The following ADGRV1 variants were observed in gnomAD, a reference collection of about 807,000 sequenced individuals.
The protein encoded by ADGRV1 is G-protein coupled receptor 98.
ADGRV1 carries 359 observed loss-of-function variants against 596.2 expected under a neutral mutation model. The observed-to-expected ratio is 0.60, with a 90% CI of 0.55 to 0.66. The LOEUF (loss-of-function observed/expected upper bound fraction) is 0.66, where lower values mean the gene tolerates loss of function less well. Ranked by LOEUF, ADGRV1 falls within the 30% of genes least tolerant of loss-of-function variation. The pLI, the probability that ADGRV1 is intolerant of heterozygous loss-of-function variation, is 0.00. For missense variants in ADGRV1, 7,274 were observed against 7,575.6 expected (o/e 0.96, Z 1.48); for synonymous variants, 2,681 against 2,679.2 (o/e 1.00, Z -0.02).
intron 67 of ADGRV1, among the ~76,000 whole-genome samples, chr5:90,786,991 A>G (rs1759520750): frequency 6.6e-6 from 1 of 152,164 alleles, no homozygotes; most frequent in Admixed American, 6.6e-5. Context: ...ATCTGGAAAC[A>G]GGAAGGATAT....
chr5:90,693,726 A>T (rs1387947621), intron 32 of ADGRV1, among the ~76,000 whole-genome samples, 164 bp from the exon 33 acceptor site: 1 of 152,244 alleles, frequency 6.6e-6, no homozygotes, highest in Non-Finnish European at 1.5e-5. Context: ...ACAGGAGAAA[A>T]CAAAATGTTG....
Position 90,683,784 on chromosome 5 carries a change from T to C in ADGRV1, c.5863T>C (p.Ser1955Pro), listed in dbSNP as rs775530669. The change falls in exon 28 of 90, where the codon TCC (serine) becomes CCC (proline). Residue 1955 changes from serine (S) to proline (P), a missense_variant. By Grantham distance (74) the Ser-to-Pro change is moderately conservative (BLOSUM62 -1). This residue lies in a region of ADGRV1 where 3,643 missense variants were observed against 3,809.2 expected (regional missense o/e 0.96). Coordinates refer to ENST00000405460, the MANE Select transcript of ADGRV1 (RefSeq NM_032119.4). ...ATTCTCTGTGTCAGTCCTCAGTGTT[T>C]CCAGTGGTTCTTTGGGAGCTCATAT... ...KAFSVSVLSVSSGSLGAHINA... is the reference protein window; with the variant it reads ...KAFSVSVLSVPSGSLGAHINA... 1 of 1,613,778 alleles carries C rather than the reference T, an allele frequency of 6.2e-7. No individual in the cohort carries two copies. The highest frequency in any genetic ancestry group is 2.2e-5 in the East Asian group (1 of 44,862).
chr5:90,771,986 G>A (rs1011944205), intron 59 of ADGRV1, among the ~76,000 whole-genome samples: 2 of 152,086 alleles, frequency 1.3e-5, no homozygotes, highest in Admixed American at 6.5e-5. Flanking sequence ...CATTGGCTGG[G>A]ATTTTCCACC....
intron 82 of ADGRV1, among the ~76,000 whole-genome samples, chr5:90,861,788 A>G (rs2150445176): frequency 6.6e-6 from 1 of 152,324 alleles, no homozygotes; most frequent in South Asian, 2.1e-4. Flanking sequence ...AAAGATAAGT[A>G]TTTAGTATAT....
chr5:91,120,515 A>G (rs1261961737), intron 87 of ADGRV1, among the ~76,000 whole-genome samples: 4 of 152,126 alleles, frequency 2.6e-5, no homozygotes, highest in Admixed American at 6.5e-5. Flanking sequence ...ATCTTTTACA[A>G]ATTTTCTACA....
chr5:90,656,714 C>A (rs10062714), intron 20 of ADGRV1, among the ~76,000 whole-genome samples: 2 of 151,910 alleles, frequency 1.3e-5, no homozygotes, highest in African/African-American at 4.8e-5. Flanking sequence ...ACAGCCTCCA[C>A]TGAGGTTATT....
chr5:91,055,100 C>G (rs960034247), intron 85 of ADGRV1, among the ~76,000 whole-genome samples: 1 of 152,174 alleles, frequency 6.6e-6, no homozygotes, highest in Admixed American at 6.5e-5. Context: ...TTTCAAATGA[C>G]TGAGCACCAA....
chr5:90,975,878 G>A (rs1779528664), intron 84 of ADGRV1, among the ~76,000 whole-genome samples: 1 of 151,378 alleles, frequency 6.6e-6, no homozygotes, highest in African/African-American at 2.4e-5. Context: ...AATAAGGCAG[G>A]GTTATATCTA....
rs76501672 is a variant in ADGRV1 at position 90,674,414 on chromosome 5, T to C, written c.5110+180T>C. 9.2e-3 allele frequency: 3,791 copies of C among 413,122 alleles called. 126 individuals carry two copies. Among genetic ancestry groups the C allele is most frequent in the African/African-American group, 0.068 (3,321 of 49,048 alleles). The allele number at this position is 413,122 out of a possible 1,614,324, so 25.6% of individuals were successfully genotyped here. On this transcript the variant is annotated intron_variant, in intron 23 of 89. Transcript: ENST00000405460. The stretch of plus-strand genomic sequence containing the variant: ...GAGACATTGTTTATGAGAGAAAATA[T>C]AAAGATCAGTTTCCAAACTTCAATA...
At chr5:90,927,582 A>G (rs1473517549) in intron 83 of ADGRV1, among the ~76,000 whole-genome samples, 1 of 151,954 alleles carries the variant, frequency 6.6e-6, no homozygotes, top group Non-Finnish European at 1.5e-5. Context: ...TCCTGACTCT[A>G]TCCAATTTGC....
At chr5:90,820,090 C>A (rs1037400169) in intron 75 of ADGRV1, among the ~76,000 whole-genome samples, 1 of 151,946 alleles carries the variant, frequency 6.6e-6, no homozygotes. Context: ...CTTTTTGAAT[C>A]TGGGTGCTCC....
At chr5:90,802,650 A>T in intron 70 of ADGRV1, 89 bp from the exon 71 acceptor site, 1 of 1,201,496 alleles carries the variant, frequency 8.3e-7, no homozygotes, top group Non-Finnish European at 1.2e-6. Flanking sequence ...TACTAAAGCA[A>T]CCTCAGGCAT....
chr5:90,980,767 G>C, intron 84 of ADGRV1, among the ~76,000 whole-genome samples: 1 of 152,130 alleles, frequency 6.6e-6, no homozygotes, highest in Non-Finnish European at 1.5e-5. Flanking sequence ...CAGGCACACA[G>C]ATCACATTTG....
chr5:90,729,931 A>G (rs576257182), intron 50 of ADGRV1, among the ~76,000 whole-genome samples, 167 bp downstream of exon 50: 3 of 151,908 alleles, frequency 2.0e-5, no homozygotes, highest in Admixed American at 2.0e-4. Context: ...CAGTGGGGCA[A>G]TCTCTGCTCA....
intron 87 of ADGRV1, among the ~76,000 whole-genome samples, chr5:91,129,300 T>C (rs1794019371): frequency 1.3e-5 from 2 of 152,222 alleles, no homozygotes; most frequent in East Asian, 3.9e-4. Flanking sequence ...ATGCAGGCCA[T>C]GAGCAGGCTA....
rs115807189 is a variant in ADGRV1 at position 91,098,647 on chromosome 5, G to A, written c.18311-3572G>A. 2.0e-3 allele frequency among the ~76,000 whole-genome samples: 297 copies of A among 152,240 alleles called. 1 individual carries two copies. Among genetic ancestry groups the A allele is most frequent in the African/African-American group, 7.0e-3 (289 of 41,532 alleles). Reference sequence around the variant, plus strand: ...TAGCTTTTTCCTTACGGAGTTTCTAGTCTGGGGTGCCAAACTACTATACTT... The same window carrying A: ...TAGCTTTTTCCTTACGGAGTTTCTAATCTGGGGTGCCAAACTACTATACTT... On this transcript the variant is annotated intron_variant, in intron 86 of 89. Transcript: ENST00000405460.
At chr5:91,111,069 G>C (rs1248407191) in intron 87 of ADGRV1, among the ~76,000 whole-genome samples, 2 of 152,106 alleles carry the variant, frequency 1.3e-5, no homozygotes, top group African/African-American at 2.4e-5. Context: ...CTATCCCCAT[G>C]TCTTAAGCTG....
At position 91,153,344 on chromosome 5, in the gene ADGRV1, A is replaced by T; in HGVS notation, c.18748A>T (p.Ile6250Leu). Reference sequence around the variant, plus strand: ...TGGAGGATATGGCCAGGGGTCACTGATAGCCGATGAGGAGTCCCAGGAGTT... The same window carrying T: ...TGGAGGATATGGCCAGGGGTCACTGTTAGCCGATGAGGAGTCCCAGGAGTT... ...SSGGYGQGSL[I>L]ADEESQEFDD... Residue 6250 changes from isoleucine (I) to leucine (L), a missense_variant, in exon 89 of 90, where the codon ATA becomes TTA. Ile to Leu is a conservative substitution (Grantham distance 5). Transcript: ENST00000405460. The T allele has an allele frequency of 6.2e-7, 1 of 1,612,734 alleles. No individual in the cohort carries two copies. The highest frequency in any genetic ancestry group is 8.5e-7 in the Non-Finnish European group (1 of 1,179,400).
At chr5:91,098,771 C>T (rs1042333930) in intron 86 of ADGRV1, among the ~76,000 whole-genome samples, 1 of 152,186 alleles carries the variant, frequency 6.6e-6, no homozygotes, top group South Asian at 2.1e-4. Flanking sequence ...ACATACCACT[C>T]GCTTTGCTCT....
Sources: allele counts gnomAD v4.1 joint callset (sites outside exome capture counted in the v4.1 genomes callset), GRCh38; gene constraint gnomAD v4.1.1; regional missense constraint gnomAD v4.1.1; transcripts MANE v1.5; gene names NCBI Gene and HGNC (gene_info 2026-07-23, HGNC 2026-07-21).